Variants in ANO1 observed in about 807,000 individuals in gnomAD.
ANO1 encodes anoctamin-1.
A neutral mutation model predicts 124.0 loss-of-function variants in ANO1; 59 were observed. The observed-to-expected ratio is 0.48, with a 90% CI of 0.39 to 0.59. ANO1 has a LOEUF of 0.59. Among genes scored for constraint, ANO1 ranks in the 20% least tolerant of loss-of-function variants. ANO1 has a pLI of 0.00. For synonymous variants in ANO1, 529 were observed against 532.0 expected, an observed-to-expected ratio of 0.99 and a Z score of 0.08; for missense variants, 1,059 against 1,328.0, an observed-to-expected ratio of 0.80 and a Z score of 3.15.
intron 1 of ANO1, among the ~76,000 whole-genome samples, chr11:70,003,230 T>C (rs1856418528): frequency 6.6e-6 from 1 of 152,142 alleles, no homozygotes; most frequent in Non-Finnish European, 1.5e-5. Context: ...CCAAAATGGC[T>C]AACTATTTAG....
At chr11:70,042,490 G>A (rs889665559) in intron 1 of ANO1, among the ~76,000 whole-genome samples, 1 of 150,890 alleles carries the variant, frequency 6.6e-6, no homozygotes, top group Admixed American at 6.6e-5. Flanking sequence ...GCGTATGCAC[G>A]CACACACACA....
At chr11:70,032,243 T>C (rs1055313873) in intron 1 of ANO1, among the ~76,000 whole-genome samples, 33 of 152,304 alleles carry the variant, frequency 2.2e-4, no homozygotes, top group African/African-American at 7.7e-4. Flanking sequence ...TCATCTCCTC[T>C]GTCAGGAGAG....
intron 1 of ANO1, among the ~76,000 whole-genome samples, chr11:70,019,220 A>G (rs113142512): frequency 0.051 from 7,458 of 144,870 alleles, 322 homozygotes; most frequent in Admixed American, 0.12. Context: ...CTTGGGATGC[A>G]GGGGAGGGAA....
the ANO1 span, among the ~76,000 whole-genome samples, chr11:69,980,393 G>A: frequency 6.6e-6 from 1 of 152,122 alleles, no homozygotes; most frequent in Admixed American, 6.6e-5. Flanking sequence ...GGAGGTCAAG[G>A]CGGGTGGGTC....
the ANO1 span, among the ~76,000 whole-genome samples, chr11:69,977,707 C>A: frequency 6.6e-6 from 1 of 152,224 alleles, no homozygotes; most frequent in Non-Finnish European, 1.5e-5. Flanking sequence ...AAGGACAATG[C>A]AGCCAGCTCC....
intron 11 of ANO1, among the ~76,000 whole-genome samples, chr11:70,139,885 C>T (rs571328668): frequency 2.6e-5 from 4 of 152,338 alleles, no homozygotes; most frequent in East Asian, 1.9e-4. Context: ...TAACTGGCTC[C>T]GGCTGGCGTG....
chr11:70,013,913 G>A (rs1173251179), intron 1 of ANO1, among the ~76,000 whole-genome samples: 1 of 152,046 alleles, frequency 6.6e-6, no homozygotes, highest in East Asian at 1.9e-4. Context: ...GCGCTGCCAA[G>A]CCTGGTTCCT....
At chr11:70,036,166 C>T (rs1857090306) in intron 1 of ANO1, among the ~76,000 whole-genome samples, 1 of 152,196 alleles carries the variant, frequency 6.6e-6, no homozygotes, top group Non-Finnish European at 1.5e-5. Flanking sequence ...TCAGGCCACA[C>T]TCCCTTGGAA....
intron 11 of ANO1, among the ~76,000 whole-genome samples, chr11:70,146,851 G>A (rs971083066): frequency 1.3e-5 from 2 of 152,126 alleles, no homozygotes; most frequent in Admixed American, 6.5e-5. Context: ...GATGAAGGCC[G>A]GAAGACTCAG....
At chr11:69,987,928 G>A (rs1565154742) in intron 1 of ANO1, among the ~76,000 whole-genome samples, 2 of 152,200 alleles carry the variant, frequency 1.3e-5, no homozygotes, top group Admixed American at 1.3e-4. Flanking sequence ...CTCCCGGAGA[G>A]CAGGCCTTTC....
chr11:70,107,487 A>AGGTGGGGGGGGGGGGGG (rs1308856596), intron 5 of ANO1, among the ~76,000 whole-genome samples: 1 of 39,838 alleles, frequency 2.5e-5, no homozygotes, highest in African/African-American at 1.0e-4. Flanking sequence ...GGTCCAGTGG[A>AGGTGGGGGGGGGGGGGG]GGCGGCGGGG....
At chr11:70,117,100 C>CTTTTTTTTTTTTTTTTTTTTTTTTTT (rs756764991) in intron 8 of ANO1, among the ~76,000 whole-genome samples, 7 of 61,542 alleles carry the variant, frequency 1.1e-4, no homozygotes, top group African/African-American at 1.9e-4. Flanking sequence ...TTGTTTCTTT[C>CTTTTTTTTTTTTTTTTTTTTTTTTTT]TTTTTTTTTT....
At chr11:69,969,168 G>T in the ANO1 span, among the ~76,000 whole-genome samples, 1 of 152,186 alleles carries the variant, frequency 6.6e-6, no homozygotes, top group Admixed American at 6.5e-5. Flanking sequence ...GCCACGGGAG[G>T]GTCCCTCATA....
At chr11:70,138,375 G>T (rs1218736461) in intron 11 of ANO1, among the ~76,000 whole-genome samples, 3 of 109,888 alleles carry the variant, frequency 2.7e-5, no homozygotes, top group Non-Finnish European at 4.1e-5. Flanking sequence ...AAGGCTGGGC[G>T]CAGTGGCTCA....
At chr11:70,069,103 C>G (rs961641451) in intron 1 of ANO1, among the ~76,000 whole-genome samples, 15 of 152,222 alleles carry the variant, frequency 9.9e-5, no homozygotes, top group African/African-American at 3.4e-4. Flanking sequence ...CACAGAGGGC[C>G]CGGGGCCATC....
At chr11:70,093,683 G>A (rs373360418) in intron 2 of ANO1, among the ~76,000 whole-genome samples, 155 of 152,324 alleles carry the variant, frequency 1.0e-3, no homozygotes, top group African/African-American at 2.7e-3. Flanking sequence ...CCACTGGCTC[G>A]CCGCTGGTTC....
At chr11:70,108,254 G>T in intron 5 of ANO1, 99 bp from the exon 6 acceptor site, 1 of 1,216,212 alleles carries the variant, frequency 8.2e-7, no homozygotes, top group Non-Finnish European at 1.2e-6. Context: ...GTCTTCATGC[G>T]TAACGTGTGA....
chr11:70,102,139 G>T (rs1291812983), intron 2 of ANO1, among the ~76,000 whole-genome samples: 1 of 152,202 alleles, frequency 6.6e-6, no homozygotes, highest in Admixed American at 6.5e-5. Flanking sequence ...AGACGCTGGG[G>T]CCATCTTTGC....
chr11:70,113,863 A>G (rs894301127), intron 7 of ANO1, among the ~76,000 whole-genome samples: 3 of 152,108 alleles, frequency 2.0e-5, no homozygotes, highest in African/African-American at 7.2e-5. Context: ...CTGAGGTCAC[A>G]CAGCCCCTTT....
Sources: gnomAD v4.1 joint callset for allele counts (sites outside exome capture counted in the v4.1 genomes callset) on GRCh38, gnomAD v4.1.1 for gene constraint, MANE v1.5 for transcripts, NCBI Gene and HGNC (gene_info 2026-07-23, HGNC 2026-07-21) for gene names.